RBFOX1: variants seen among roughly 807,000 people sequenced by gnomAD.
RBFOX1 encodes RNA binding protein fox-1 homolog 1.
A neutral mutation model predicts 57.7 loss-of-function variants in RBFOX1; 8 were observed. That is an observed-to-expected ratio of 0.14 (90% CI 0.08 to 0.25). RBFOX1 has a LOEUF of 0.25. Among genes scored for constraint, RBFOX1 ranks in the 10% least tolerant of loss-of-function variants. RBFOX1 has a pLI of 1.00. For synonymous variants in RBFOX1, 326 were observed against 222.4 expected, an observed-to-expected ratio of 1.47 and a Z score of -4.15; for missense variants, 611 against 548.5, an observed-to-expected ratio of 1.11 and a Z score of -1.14.
intron 1 of RBFOX1, among the ~76,000 whole-genome samples, chr16:6,242,397 A>C (rs1172336014): frequency 6.6e-6 from 1 of 151,444 alleles, no homozygotes; most frequent in Admixed American, 6.6e-5. Context: ...TCTTTATTTT[A>C]TTTTATTTTT....
rs2084266696 is a variant in RBFOX1 at position 7,713,291 on chromosome 16, G to C, written c.*2546G>C. On this transcript the variant is annotated 3_prime_UTR_variant, in exon 16 of 16. Transcript: ENST00000550418. ...TCACTTACAGTGGTTTGTGAATAAA[G>C]AAAACTGGTTTGTAATATCAAAAAA... 2 of 152,172 alleles carry C rather than the reference G, an allele frequency of 1.3e-5. No homozygotes were observed. Among genetic ancestry groups the C allele is most frequent in the Non-Finnish European group, 2.9e-5 (2 of 68,030 alleles). The allele number at this position is 152,172 out of a possible 1,614,324, so 9.4% of individuals were successfully genotyped here. A position where few individuals can be genotyped will look rare whatever the true frequency, so the allele number is the denominator to read the frequency against.
At chr16:6,991,268 C>G (rs1362158678) in intron 3 of RBFOX1, among the ~76,000 whole-genome samples, 1 of 151,992 alleles carries the variant, frequency 6.6e-6, no homozygotes, top group East Asian at 1.9e-4. Context: ...CCACGTCACT[C>G]CAGCCTGGGC....
intron 2 of RBFOX1, among the ~76,000 whole-genome samples, chr16:6,616,680 C>G (rs1185479032): frequency 6.6e-6 from 1 of 152,182 alleles, no homozygotes; most frequent in East Asian, 1.9e-4. Flanking sequence ...GGTGATCTAC[C>G]TGCCTCTGCC....
intron 3 of RBFOX1, among the ~76,000 whole-genome samples, chr16:6,686,998 T>A (rs563817325): frequency 6.6e-6 from 1 of 152,302 alleles, no homozygotes; most frequent in South Asian, 2.1e-4. Context: ...ACCAATAATA[T>A]GTCGTCATGG....
chr16:7,687,474 A>G (rs1412783740), intron 14 of RBFOX1, among the ~76,000 whole-genome samples: 2 of 152,050 alleles, frequency 1.3e-5, no homozygotes, highest in Non-Finnish European at 2.9e-5. Context: ...CCCCTCATTT[A>G]CAATCTGAGG....
chr16:7,677,160 C>CACACACACACACACACACACACACA (rs1555762483), intron 14 of RBFOX1, among the ~76,000 whole-genome samples: 28 of 151,298 alleles, frequency 1.9e-4, no homozygotes, highest in Non-Finnish European at 2.8e-4. Context: ...CACACACACA[C>CACACACACACACACACACACACACA]CGTACAACCT....
chr16:6,020,623 G>A (rs992929229), intron 1 of RBFOX1, among the ~76,000 whole-genome samples: 11 of 152,166 alleles, frequency 7.2e-5, no homozygotes, highest in Admixed American at 7.2e-4. Context: ...TGGTTCCTGG[G>A]AGCCTTAGAG....
chr16:5,648,351 T>A (rs760910425), intron 3 of RBFOX1, among the ~76,000 whole-genome samples: 8 of 152,224 alleles, frequency 5.3e-5, no homozygotes, highest in Non-Finnish European at 1.0e-4. Flanking sequence ...AGAGAATGCA[T>A]GCGAGTGTGA....
intron 4 of RBFOX1, among the ~76,000 whole-genome samples, chr16:7,444,699 T>C (rs905854952): frequency 1.3e-5 from 2 of 152,074 alleles, no homozygotes; most frequent in African/African-American, 4.8e-5. Flanking sequence ...ACCTGGCTAA[T>C]TTTTACATTA....
chr16:7,127,444 T>C (rs1488002946), intron 4 of RBFOX1, among the ~76,000 whole-genome samples: 6 of 152,212 alleles, frequency 3.9e-5, no homozygotes, highest in Admixed American at 3.3e-4. Context: ...TATACTGTTA[T>C]GTCAAGGTAG....
intron 1 of RBFOX1, among the ~76,000 whole-genome samples, chr16:6,304,665 T>C (rs1043676267): frequency 6.6e-6 from 1 of 151,950 alleles, no homozygotes; most frequent in Non-Finnish European, 1.5e-5. Context: ...AGCGGATCAC[T>C]TGATGCCAGG....
At chr16:6,447,220 T>C (rs1252505058) in intron 2 of RBFOX1, among the ~76,000 whole-genome samples, 1 of 152,178 alleles carries the variant, frequency 6.6e-6, no homozygotes, top group Non-Finnish European at 1.5e-5. Context: ...CTAACAGATT[T>C]CTTGTACAGT....
intron 3 of RBFOX1, among the ~76,000 whole-genome samples, chr16:6,844,873 C>T (rs914421692): frequency 2.0e-5 from 3 of 152,080 alleles, no homozygotes; most frequent in Non-Finnish European, 4.4e-5. Context: ...TATTAGTAAC[C>T]ATTCTGACTG....
chr16:7,527,171 C>G (rs1295991620), intron 5 of RBFOX1, among the ~76,000 whole-genome samples: 1 of 152,124 alleles, frequency 6.6e-6, no homozygotes, highest in African/African-American at 2.4e-5. Context: ...GTTCTATTTT[C>G]CTAAAATTCA....
At chr16:6,591,729 T>G (rs2097713861) in intron 2 of RBFOX1, among the ~76,000 whole-genome samples, 1 of 152,218 alleles carries the variant, frequency 6.6e-6, no homozygotes. Context: ...ACTATTATAT[T>G]TAATTGGAAA....
At chr16:7,131,170 C>T (rs957609516) in intron 4 of RBFOX1, among the ~76,000 whole-genome samples, 1 of 151,800 alleles carries the variant, frequency 6.6e-6, no homozygotes, top group Admixed American at 6.6e-5. Flanking sequence ...CATGGTGAAA[C>T]CACATCTCTA....
chr16:6,565,949 A>G (rs1005171911), intron 2 of RBFOX1, among the ~76,000 whole-genome samples: 2 of 152,176 alleles, frequency 1.3e-5, no homozygotes, highest in Admixed American at 1.3e-4. Context: ...TTTTCCTCAC[A>G]TATTTCTCTC....
chr16:6,770,627 A>G (rs188626735), intron 3 of RBFOX1, among the ~76,000 whole-genome samples: 91 of 152,180 alleles, frequency 6.0e-4, no homozygotes, highest in Admixed American at 1.8e-3. Context: ...AAAGAAATCA[A>G]TCTCTACTCA....
At chr16:5,654,324 T>C (rs2049348042) in intron 3 of RBFOX1, among the ~76,000 whole-genome samples, 1 of 152,176 alleles carries the variant, frequency 6.6e-6, no homozygotes, top group Non-Finnish European at 1.5e-5. Context: ...TCAGGAATCC[T>C]GCAAGCCAGA....
Sources: gnomAD v4.1 joint callset for allele counts (sites outside exome capture counted in the v4.1 genomes callset) on GRCh38, gnomAD v4.1.1 for gene constraint, MANE v1.5 for transcripts, NCBI Gene and HGNC (gene_info 2026-07-23, HGNC 2026-07-21) for gene names.